GMPR: variants seen among roughly 807,000 people sequenced by gnomAD.
GMPR encodes the protein GMP reductase 1.
In GMPR, 31 loss-of-function variants were observed where a neutral mutation model predicts 38.4. The observed-to-expected ratio is 0.81, with a 90% confidence interval of 0.61 to 1.09. The LOEUF (loss-of-function observed/expected upper bound fraction) is 1.09, where lower values mean the gene tolerates loss of function less well. Ranked by LOEUF, GMPR falls within the 50% of genes least tolerant of loss-of-function variation. The pLI is 0.00. For synonymous variants in GMPR, 162 were observed against 173.3 expected, an observed-to-expected ratio of 0.93 and a Z score of 0.51; for missense variants, 468 against 453.7, an observed-to-expected ratio of 1.03 and a Z score of -0.29.
intron 1 of GMPR, among the ~76,000 whole-genome samples, chr6:16,241,304 G>A (rs1001747294): frequency 2.0e-4 from 30 of 152,128 alleles, no homozygotes; most frequent in African/African-American, 6.8e-4. Flanking sequence ...TAAGAGCCAG[G>A]CCCAGCAATG....
At chr6:16,267,277 C>T (rs1042910764) in intron 4 of GMPR, among the ~76,000 whole-genome samples, 1 of 152,080 alleles carries the variant, frequency 6.6e-6, no homozygotes, top group Non-Finnish European at 1.5e-5. Flanking sequence ...GAGGCTGAGG[C>T]AGGAGAATTG....
intron 4 of GMPR, among the ~76,000 whole-genome samples, chr6:16,260,320 T>C (rs1759058654): frequency 6.6e-6 from 1 of 152,016 alleles, no homozygotes; most frequent in African/African-American, 2.4e-5. Context: ...AAGGCTGGTC[T>C]GTTATCAGAC....
intron 4 of GMPR, among the ~76,000 whole-genome samples, chr6:16,255,783 C>T (rs1758961367): frequency 6.6e-6 from 1 of 152,144 alleles, no homozygotes; most frequent in Non-Finnish European, 1.5e-5. Flanking sequence ...GAATTTTGAA[C>T]TTCGTTTCTT....
At chr6:16,252,484 C>T (rs1188013321) in intron 3 of GMPR, among the ~76,000 whole-genome samples, 1 of 152,142 alleles carries the variant, frequency 6.6e-6, no homozygotes, top group African/African-American at 2.4e-5. Context: ...ATGATCCACC[C>T]ACCTCGGCCT....
chr6:16,243,746 G>A (rs977076956), intron 1 of GMPR, among the ~76,000 whole-genome samples: 5 of 152,192 alleles, frequency 3.3e-5, no homozygotes, highest in African/African-American at 7.2e-5. Context: ...GGCAGGGCCT[G>A]TGGGCTATGC....
chr6:16,281,698 C>T (rs1759577688), intron 6 of GMPR, among the ~76,000 whole-genome samples: 2 of 151,306 alleles, frequency 1.3e-5, no homozygotes, highest in African/African-American at 4.9e-5. Flanking sequence ...TTAGTAGAGG[C>T]AGGGTTTCAC....
chr6:16,271,741 A>G (rs963642737), intron 4 of GMPR, among the ~76,000 whole-genome samples: 1 of 152,232 alleles, frequency 6.6e-6, no homozygotes, highest in Admixed American at 6.5e-5. Context: ...AAAATCTAGA[A>G]AAGATTAAAG....
At chr6:16,276,751 T>C (rs1200673425) in intron 5 of GMPR, among the ~76,000 whole-genome samples, 2 of 152,220 alleles carry the variant, frequency 1.3e-5, no homozygotes, top group Non-Finnish European at 2.9e-5. Context: ...ATTACATATC[T>C]AAATGATAGC....
rs777089818 is a variant in GMPR at position 16,295,181 on chromosome 6, A to G, written c.1033A>G (p.Ser345Gly). ...RVTQQHNTVF[S>G] ...GACCCAGCAGCACAACACCGTGTTC[A>G]GCTAACCCTGGGGACAAAGCAGCGT... The change falls in exon 9 of 9, where the codon AGC (serine) becomes GGC (glycine). Residue 345 changes from serine to glycine, a missense_variant. Physicochemically the swap from Ser to Gly is moderately conservative, Grantham distance 56. Coordinates refer to ENST00000259727, the MANE Select transcript of GMPR (RefSeq NM_006877.4). The G allele has an allele frequency of 2.0e-6, 3 of 1,514,212 alleles. No individual in the cohort carries two copies. Among genetic ancestry groups the G allele is most frequent in the Non-Finnish European group, 8.8e-7 (1 of 1,137,614 alleles). The allele number at this position is 1,514,212 out of a possible 1,614,324, so 93.8% of individuals were successfully genotyped here.
intron 8 of GMPR, among the ~76,000 whole-genome samples, chr6:16,294,274 A>G (rs1759892829): frequency 1.3e-5 from 2 of 152,178 alleles, no homozygotes; most frequent in South Asian, 4.1e-4. Context: ...GTGCAGGGTG[A>G]TAGGTGTAGT....
rs576217418 is a variant in GMPR, at chr6:16,289,248, C to T, written c.698-1214C>T. 5.3e-5 allele frequency among the ~76,000 whole-genome samples: 8 copies of T among 152,308 alleles called. No homozygotes were observed. In the East Asian group the frequency reaches 7.7e-4, roughly 15 times the overall value. ...GCCGCGCCACCTTATAGAGCTGTTA[C>T]ACTCACAGTGAGAGTCTATGGCTTC... is the stretch of plus-strand genomic sequence containing the variant. On this transcript the variant is annotated intron_variant, in intron 7 of 8. Transcript: ENST00000259727.
At chr6:16,289,654 C>T (rs1316210303) in intron 7 of GMPR, 3 of 136,284 alleles carry the variant, frequency 2.2e-5, no homozygotes, top group Admixed American at 1.5e-4. Flanking sequence ...TTCCATAACA[C>T]GGGGACTTCT....
intron 2 of GMPR, among the ~76,000 whole-genome samples, chr6:16,247,271 A>G (rs1409094861): frequency 6.6e-6 from 1 of 152,208 alleles, no homozygotes; most frequent in African/African-American, 2.4e-5. Context: ...TTTAAAATTA[A>G]GACAGAGCTG....
intron 3 of GMPR, among the ~76,000 whole-genome samples, chr6:16,252,635 C>T (rs1319203195): frequency 6.6e-6 from 1 of 152,106 alleles, no homozygotes; most frequent in Non-Finnish European, 1.5e-5. Flanking sequence ...CTACACAGCC[C>T]GCCACCAAAT....
At chr6:16,252,171 T>G (rs1758887811) in intron 3 of GMPR, among the ~76,000 whole-genome samples, 1 of 152,236 alleles carries the variant, frequency 6.6e-6, no homozygotes, top group African/African-American at 2.4e-5. Context: ...TGAATTGTGT[T>G]TGTTTTCACT....
chr6:16,288,191 G>A (rs980814140), intron 7 of GMPR, among the ~76,000 whole-genome samples: 3 of 152,238 alleles, frequency 2.0e-5, no homozygotes, highest in Admixed American at 6.5e-5. Context: ...CTGCACTCTG[G>A]GAGCCCCTTT....
At chr6:16,277,244 A>G (rs1759488976) in intron 5 of GMPR, among the ~76,000 whole-genome samples, 1 of 152,342 alleles carries the variant, frequency 6.6e-6, no homozygotes, top group South Asian at 2.1e-4. Context: ...CAGCTGATGC[A>G]GGAGAGGGGC....
chr6:16,273,138 T>C (rs1332253115), intron 4 of GMPR, among the ~76,000 whole-genome samples: 1 of 152,234 alleles, frequency 6.6e-6, no homozygotes, highest in Non-Finnish European at 1.5e-5. Context: ...TCAGCTACTG[T>C]TTGGATTAAA....
At chr6:16,265,469 G>T (rs1759175102) in intron 4 of GMPR, among the ~76,000 whole-genome samples, 1 of 152,192 alleles carries the variant, frequency 6.6e-6, no homozygotes, top group African/African-American at 2.4e-5. Context: ...GGTGAGAGGT[G>T]AAGCCAGCTT....
Sources: allele counts gnomAD v4.1 joint callset (sites outside exome capture counted in the v4.1 genomes callset), GRCh38; gene constraint gnomAD v4.1.1; transcripts MANE v1.5; gene names NCBI Gene and HGNC (gene_info 2026-07-23, HGNC 2026-07-21).